FBLN5: variants seen among roughly 807,000 people sequenced by gnomAD.
FBLN5 encodes fibulin-5.
In FBLN5, 24 loss-of-function variants were observed where a neutral mutation model predicts 61.6. The observed-to-expected ratio is 0.39, with a 90% CI of 0.28 to 0.55. The LOEUF is 0.55. Among genes scored for constraint, FBLN5 ranks in the 20% least tolerant of loss-of-function variants. The probability of loss-of-function intolerance (pLI) is 0.65; values close to 1 mark genes in which losing one functional copy is unlikely to be tolerated. For synonymous variants in FBLN5, 213 were observed against 219.8 expected (o/e 0.97, Z 0.27); for missense variants, 470 against 594.1 (o/e 0.79, Z 2.17).
At chr14:91,938,466 CAAAAACAAAAAAAAGA>C (rs905584189) in intron 3 of FBLN5, 1 of 151,344 alleles carries the variant, frequency 6.6e-6, no homozygotes, top group Non-Finnish European at 1.5e-5. Context: ...AAAACAAAAA[CAAAAACAAAAAAAAGA>C]AAAAAGAAAA....
intron 10 of FBLN5, among the ~76,000 whole-genome samples, chr14:91,871,021 G>A (rs1368400988): frequency 6.6e-6 from 1 of 152,082 alleles, no homozygotes; most frequent in Non-Finnish European, 1.5e-5. Flanking sequence ...GGAGGCAGGA[G>A]GAGGGAGGGG....
At position 91,869,982 on chromosome 14, in the gene FBLN5, CA is replaced by C. The variant is rs1183285403; in HGVS notation, c.*241del. ...TGAAAATTCACCAACAATCTTCTAT[CA>C]GGGGAGCAATGATAATACTTTTTGA... On this transcript the variant is annotated 3_prime_UTR_variant, in exon 11 of 11. Transcript: ENST00000342058. 1.9e-6 allele frequency: 1 copy of C among 533,792 alleles called. No homozygotes were observed. The highest frequency in any genetic ancestry group is 3.4e-5 in the East Asian group (1 of 29,568). 33.1% of individuals were successfully genotyped at this position (533,792 alleles called of 1,614,324 possible).
intron 2 of FBLN5, among the ~76,000 whole-genome samples, chr14:91,941,767 C>T (rs1221776686): frequency 2.6e-5 from 3 of 113,280 alleles, no homozygotes; most frequent in African/African-American, 9.5e-5. Context: ...CCTCAGTTTC[C>T]CCATCTGTAA....
chr14:91,941,892 C>A (rs531943600), intron 2 of FBLN5: 2 of 299,096 alleles, frequency 6.7e-6, no homozygotes, highest in South Asian at 2.9e-5. Flanking sequence ...TGGGGCCTAC[C>A]TGTCTTCATG....
At chr14:91,880,415 G>A (rs181609563) in intron 9 of FBLN5, among the ~76,000 whole-genome samples, 1 of 152,314 alleles carries the variant, frequency 6.6e-6, no homozygotes, top group African/African-American at 2.4e-5. Context: ...GAGGGAAGAG[G>A]AGATTCTAGA....
At chr14:91,933,504 G>A (rs111602518) in intron 4 of FBLN5, among the ~76,000 whole-genome samples, 55 of 152,214 alleles carry the variant, frequency 3.6e-4, no homozygotes, top group African/African-American at 1.3e-3. Context: ...CTGACCTCAG[G>A]TGATCCACCC....
chr14:91,893,878 G>A (rs1890097488), intron 5 of FBLN5, among the ~76,000 whole-genome samples: 1 of 152,234 alleles, frequency 6.6e-6, no homozygotes, highest in Admixed American at 6.5e-5. Context: ...AAGACAGGGT[G>A]TTGAAAGGAA....
chr14:91,945,238 A>G (rs1566832637), intron 1 of FBLN5, among the ~76,000 whole-genome samples: 1 of 152,112 alleles, frequency 6.6e-6, no homozygotes, highest in Non-Finnish European at 1.5e-5. Context: ...CAAAAAAAAA[A>G]AAAAAAAGAA....
At position 91,891,290 on chromosome 14, in the gene FBLN5, C is replaced by T. The variant is rs747934561; in HGVS notation, c.550G>A (p.Val184Ile). 6.2e-7 allele frequency: 1 copy of T among 1,614,110 alleles called. No individual in the cohort carries two copies. The highest frequency in any genetic ancestry group is 1.1e-5 in the South Asian group (1 of 91,076). The part of the protein sequence containing the change: ...YGYCQQLCAN[V>I]PGSYSCTCNP... Reference sequence around the variant, plus strand: ...CATGTACAAGAATAGGATCCAGGAACATTCGCACAGAGCTGCTGGCAGTAA... The same window carrying T: ...CATGTACAAGAATAGGATCCAGGAATATTCGCACAGAGCTGCTGGCAGTAA... Residue 184 changes from valine to isoleucine, a missense_variant, in exon 6 of 11, where the codon GTT (valine) becomes ATT (isoleucine). Physicochemically the swap from Val to Ile is conservative, Grantham distance 29 (BLOSUM62 3). Coordinates refer to ENST00000342058, the MANE Select transcript of FBLN5 (RefSeq NM_006329.4).
chr14:91,886,869 TG>T (rs1889750283), intron 7 of FBLN5, among the ~76,000 whole-genome samples: 1 of 152,214 alleles, frequency 6.6e-6, no homozygotes, highest in Non-Finnish European at 1.5e-5. Flanking sequence ...GAGTCGGTGC[TG>T]GGTGAGGACA....
In FBLN5 at chr14:91,943,626, A is replaced by G. The variant is rs1430116065; in HGVS notation, c.18-665T>C. On this transcript the variant is annotated intron_variant, in intron 1 of 10. Transcript: ENST00000342058. The surrounding 1 kb of genome is among the most constrained non-coding windows in gnomAD (Gnocchi z 4.0). Reference sequence around the variant, plus strand: ...AACATCTTTATGCTGACATGATTACAGAGTGAATAAGCCATCATCATGCCC... The same window carrying G: ...AACATCTTTATGCTGACATGATTACGGAGTGAATAAGCCATCATCATGCCC... 6.6e-6 allele frequency among the ~76,000 whole-genome samples: 1 copy of G among 152,204 alleles called. No homozygotes were observed. The highest frequency in any genetic ancestry group is 2.4e-5 in the African/African-American group (1 of 41,440).
At position 91,940,617 on chromosome 14, in the gene FBLN5, C is replaced by T; in HGVS notation, c.73-1G>A. ...GGTCAAAGCCATTCGTGCACTGTGC[C>T]TGCAGGGAAGGAGAGAGGAGAAACA... On this transcript the variant is annotated splice_acceptor_variant, in intron 2 of 10. Transcript: ENST00000342058. LOFTEE classifies it high-confidence loss of function. 6.2e-7 allele frequency: 1 copy of T among 1,613,884 alleles called. No homozygotes were observed. Among genetic ancestry groups the T allele is most frequent in the Non-Finnish European group, 8.5e-7 (1 of 1,179,826 alleles).
At chr14:91,897,960 G>A (rs1890293349) in intron 4 of FBLN5, among the ~76,000 whole-genome samples, 2 of 152,124 alleles carry the variant, frequency 1.3e-5, no homozygotes, top group African/African-American at 4.8e-5. Flanking sequence ...TGAGGTGGGA[G>A]GATCACCTGA....
intron 4 of FBLN5, among the ~76,000 whole-genome samples, chr14:91,926,087 T>G (rs1368261206): frequency 2.0e-5 from 3 of 152,174 alleles, no homozygotes; most frequent in Non-Finnish European, 4.4e-5. Context: ...CTCTGCCAGA[T>G]GCTGTGGATA....
chr14:91,933,957 C>G (rs28424272), intron 4 of FBLN5, among the ~76,000 whole-genome samples: 39,353 of 151,842 alleles, frequency 0.26, 5,062 homozygotes, highest in Middle Eastern at 0.36. Flanking sequence ...CAAAAAAATA[C>G]AAAAATAAGC....
At chr14:91,936,885 C>G in intron 4 of FBLN5, 62 bp downstream of exon 4, 1 of 1,603,656 alleles carries the variant, frequency 6.2e-7, no homozygotes, top group Non-Finnish European at 8.5e-7. Flanking sequence ...GTGAGCATGC[C>G]AGATACAGAC....
At chr14:91,946,816 C>G in intron 1 of FBLN5, 2 of 1,532,826 alleles carry the variant, frequency 1.3e-6, no homozygotes, top group South Asian at 1.2e-5. Context: ...GCTAGCCTGT[C>G]TGCTTGTCTA....
At chr14:91,885,421 G>A (rs1889683980) in intron 7 of FBLN5, among the ~76,000 whole-genome samples, 1 of 152,168 alleles carries the variant, frequency 6.6e-6, no homozygotes, top group Non-Finnish European at 1.5e-5. Context: ...CCTTGAAAGA[G>A]AAAAGTCCAG....
intron 10 of FBLN5, 26 bp downstream of exon 10, chr14:91,877,461 C>T (rs753049685): frequency 4.4e-6 from 7 of 1,577,674 alleles, no homozygotes; most frequent in Middle Eastern, 1.7e-4. Context: ...TTACAGATGG[C>T]GTCCCCACTC....
Sources: gnomAD v4.1 joint callset for allele counts (sites outside exome capture counted in the v4.1 genomes callset) on GRCh38, gnomAD v4.1.1 for gene constraint, Gnocchi (gnomAD v3.1) non-coding constraint, MANE v1.5 for transcripts, NCBI Gene and HGNC (gene_info 2026-07-23, HGNC 2026-07-21) for gene names.